The following SPTLC3 variants were observed in gnomAD, a reference collection of about 807,000 sequenced individuals.
SPTLC3 encodes the protein serine palmitoyltransferase long chain base subunit 3, also known as serine palmitoyltransferase 3.
Under a neutral mutation model 59.3 loss-of-function variants are expected in SPTLC3, and 36 were observed. That is an observed-to-expected ratio of 0.61 (90% CI 0.47 to 0.80). The LOEUF is 0.80. Among genes scored for constraint, SPTLC3 ranks in the 30% least tolerant of loss-of-function variants. The pLI, the probability that SPTLC3 is intolerant of heterozygous loss-of-function variation, is 0.00. For synonymous variants in SPTLC3, 257 were observed against 240.8 expected, an observed-to-expected ratio of 1.07 and a Z score of -0.62; for missense variants, 625 against 685.1, an observed-to-expected ratio of 0.91 and a Z score of 0.98.
At chr20:13,100,621 A>G (rs1451896122) in intron 6 of SPTLC3, among the ~76,000 whole-genome samples, 1 of 152,220 alleles carries the variant, frequency 6.6e-6, no homozygotes, top group Non-Finnish European at 1.5e-5. Flanking sequence ...TTTTATCACC[A>G]TAGATTAGTT....
chr20:13,067,044 CATATAT>C (rs143918659), intron 2 of SPTLC3, among the ~76,000 whole-genome samples: 23 of 71,092 alleles, frequency 3.2e-4, no homozygotes, highest in South Asian at 1.2e-3. Flanking sequence ...GTCACTTCTA[CATATAT>C]ATATATATAT....
At chr20:13,017,422 C>G (rs1985588213) in intron 1 of SPTLC3, among the ~76,000 whole-genome samples, 1 of 152,092 alleles carries the variant, frequency 6.6e-6, no homozygotes, top group Non-Finnish European at 1.5e-5. Context: ...CTTTCAGGAG[C>G]TTTTTTCAAG....
chr20:13,157,895 C>T (rs1276954409), intron 10 of SPTLC3, among the ~76,000 whole-genome samples: 2 of 152,082 alleles, frequency 1.3e-5, no homozygotes, highest in Non-Finnish European at 2.9e-5. Context: ...ATTTAAAAAC[C>T]TTTGATTTTA....
At chr20:13,053,655 G>A (rs575508449) in intron 2 of SPTLC3, among the ~76,000 whole-genome samples, 4 of 152,174 alleles carry the variant, frequency 2.6e-5, no homozygotes, top group South Asian at 2.1e-4. Flanking sequence ...AAGGTTAGAC[G>A]AATTGCTAAC....
rs1568623057 is a variant in SPTLC3, at chr20:13,139,149, A to G, written c.1279+12432A>G. Among the ~76,000 whole-genome samples, 7 of 152,296 alleles carry G rather than the reference A, an allele frequency of 4.6e-5. No homozygotes were observed. The South Asian group carries it at 1.2e-3, about 27-fold the overall frequency. On this transcript the variant is annotated intron_variant, in intron 9 of 11. Transcript: ENST00000399002. ...ATGATTTGCACTTAGGATGTTTTTCAATCAAGAAACTATGTTTTTGTGACA... is the reference window on the plus strand; with the variant it reads ...ATGATTTGCACTTAGGATGTTTTTCGATCAAGAAACTATGTTTTTGTGACA...
intron 1 of SPTLC3, among the ~76,000 whole-genome samples, chr20:13,028,614 G>C (rs139087644): frequency 1.8e-4 from 28 of 152,170 alleles, no homozygotes; most frequent in Non-Finnish European, 3.4e-4. Flanking sequence ...ATACATCAGT[G>C]AAAATTTTCA....
Position 13,074,462 on chromosome 20 carries a change from A to G in SPTLC3, c.572A>G (p.Tyr191Cys). The change falls in exon 4 of 12, where the codon TAT becomes TGT. Residue 191 changes from tyrosine (Y) to cysteine (C), a missense_variant. Physicochemically the swap from Tyr to Cys is radical, Grantham distance 194. Transcript: ENST00000399002. ...ACAATAAAGGATGTTTTAGAGGTGT[A>G]TGGCACAGGCGTGGCCAGCACCAGG... is the stretch of plus-strand genomic sequence containing the variant. Reference protein sequence around the residue: ...MRTIKDVLEVYGTGVASTRHE... With the variant: ...MRTIKDVLEVCGTGVASTRHE... 6.2e-7 allele frequency: 1 copy of G among 1,614,086 alleles called. No individual in the cohort carries two copies. Among genetic ancestry groups the G allele is most frequent in the Non-Finnish European group, 8.5e-7 (1 of 1,179,944 alleles).
chr20:13,159,343 T>C (rs1241386629), intron 10 of SPTLC3, among the ~76,000 whole-genome samples: 1 of 152,162 alleles, frequency 6.6e-6, no homozygotes, highest in Admixed American at 6.5e-5. Context: ...AGTTGCTGAG[T>C]TTATTATCCC....
intron 1 of SPTLC3, among the ~76,000 whole-genome samples, chr20:13,016,593 G>A (rs1985538483): frequency 6.6e-6 from 1 of 152,110 alleles, no homozygotes; most frequent in Non-Finnish European, 1.5e-5. Flanking sequence ...AACTGTCGAA[G>A]ACCCCATGAT....
At chr20:13,089,265 G>A (rs529317547) in intron 4 of SPTLC3, among the ~76,000 whole-genome samples, 36 of 152,196 alleles carry the variant, frequency 2.4e-4, no homozygotes, top group Non-Finnish European at 4.1e-4. Context: ...CAGCTCCTAC[G>A]TTCTGTGTGT....
intron 2 of SPTLC3, among the ~76,000 whole-genome samples, chr20:13,056,284 T>C (rs1041561081): frequency 3.3e-5 from 5 of 152,174 alleles, no homozygotes; most frequent in African/African-American, 9.7e-5. Context: ...AATAGACTCA[T>C]GTAGATAAAT....
intron 1 of SPTLC3, among the ~76,000 whole-genome samples, chr20:13,026,610 G>A (rs114348300): frequency 0.035 from 5,371 of 152,138 alleles, 327 homozygotes; most frequent in African/African-American, 0.12. Context: ...GCATCAATAC[G>A]TCTTCAAATA....
intron 1 of SPTLC3, among the ~76,000 whole-genome samples, chr20:13,021,372 G>C (rs987393198): frequency 6.6e-6 from 1 of 152,068 alleles, no homozygotes; most frequent in African/African-American, 2.4e-5. Flanking sequence ...CTTCTTCAAA[G>C]GGTTAACTTG....
At chr20:13,048,142 T>C (rs897772655) in intron 1 of SPTLC3, among the ~76,000 whole-genome samples, 10 of 152,284 alleles carry the variant, frequency 6.6e-5, no homozygotes, top group African/African-American at 2.4e-4. Context: ...ATCCTAAATA[T>C]ATATGCACCC....
intron 1 of SPTLC3, among the ~76,000 whole-genome samples, chr20:13,034,845 T>G (rs1453359915): frequency 6.6e-6 from 1 of 152,114 alleles, no homozygotes; most frequent in Non-Finnish European, 1.5e-5. Flanking sequence ...GAGAAAGAGT[T>G]GTCTAGCACC....
At chr20:13,089,302 A>G (rs771497469) in intron 4 of SPTLC3, among the ~76,000 whole-genome samples, 12 of 152,354 alleles carry the variant, frequency 7.9e-5, no homozygotes, top group Non-Finnish European at 1.3e-4. Context: ...CTCCACTTGT[A>G]CATTTATCTG....
intron 8 of SPTLC3, among the ~76,000 whole-genome samples, chr20:13,124,588 A>G (rs539223569): frequency 2.0e-5 from 3 of 152,330 alleles, no homozygotes; most frequent in African/African-American, 7.2e-5. Context: ...GGGGGGATTC[A>G]GAATGAAAGA....
At chr20:13,084,337 T>C (rs536559881) in intron 4 of SPTLC3, among the ~76,000 whole-genome samples, 31 of 152,202 alleles carry the variant, frequency 2.0e-4, no homozygotes, top group Non-Finnish European at 2.5e-4. Context: ...CTTTATATAT[T>C]TAAGAACATA....
intron 8 of SPTLC3, among the ~76,000 whole-genome samples, chr20:13,123,197 G>A (rs1600324636): frequency 6.6e-6 from 1 of 152,090 alleles, no homozygotes; most frequent in East Asian, 1.9e-4. Context: ...CAGGAGTGGT[G>A]GCACACGCCT....
Sources: allele counts gnomAD v4.1 joint callset (sites outside exome capture counted in the v4.1 genomes callset), GRCh38; gene constraint gnomAD v4.1.1; transcripts MANE v1.5; gene names NCBI Gene and HGNC (gene_info 2026-07-23, HGNC 2026-07-21).